Variants in NCS1 observed in about 807,000 individuals in gnomAD.
NCS1 encodes the protein neuronal calcium sensor 1, also known as frequenin homolog.
In NCS1, 6 loss-of-function variants were observed where a neutral mutation model predicts 28.4. The ratio of observed to expected loss-of-function variants is 0.21; its 90% CI spans 0.12 to 0.42. The LOEUF (loss-of-function observed/expected upper bound fraction) is 0.42. NCS1 is among the 10% of genes least tolerant of loss of function. NCS1 has a pLI of 1.00. For synonymous variants in NCS1, 86 were observed against 99.3 expected (o/e 0.87, Z 0.79); for missense variants, 131 against 241.4 (o/e 0.54, Z 3.03).
intron 1 of NCS1, among the ~76,000 whole-genome samples, chr9:130,185,379 C>T (rs1554905533): frequency 6.6e-6 from 1 of 152,260 alleles, no homozygotes; most frequent in East Asian, 1.9e-4. Flanking sequence ...CCTTCTTATC[C>T]ATCTTGGGCT....
rs1330480948 is a variant in NCS1, at chr9:130,226,203, G to A, written c.475-186G>A. On this transcript the variant is annotated intron_variant, in intron 6 of 7. Transcript: ENST00000372398. This position sits in a 1 kb window ranked among gnomAD's most constrained non-coding sequence, Gnocchi z 4.8. ...AAACATGCCCAGAGAGGTGGGCCACGGCCCAAGGCCACCCTGCCATGAGTG... is the reference window on the plus strand; with the variant it reads ...AAACATGCCCAGAGAGGTGGGCCACAGCCCAAGGCCACCCTGCCATGAGTG... 3.3e-5 allele frequency among the ~76,000 whole-genome samples: 5 copies of A among 152,190 alleles called. No individual in the cohort carries two copies. Among genetic ancestry groups the A allele is most frequent in the African/African-American group, 1.2e-4 (5 of 41,440 alleles).
rs1158414864 is a variant in NCS1 at position 130,209,187 on chromosome 9, T to C, written c.89+8205T>C. 6.6e-6 allele frequency among the ~76,000 whole-genome samples: 1 copy of C among 152,210 alleles called. No individual in the cohort carries two copies. Among genetic ancestry groups the C allele is most frequent in the Non-Finnish European group, 1.5e-5 (1 of 68,036 alleles). On this transcript the variant is annotated intron_variant, in intron 2 of 7. Coordinates refer to ENST00000372398, the MANE Select transcript of NCS1 (RefSeq NM_014286.4). The surrounding 1 kb of genome is among the most constrained non-coding windows in gnomAD (Gnocchi z 4.4). ...CCTGGCTGATTGCAGCTTGGGGTAA[T>C]GCTTTATGATTTATCCGTCTAGCAA... is the stretch of plus-strand genomic sequence containing the variant.
chr9:130,207,112 C>A (rs1218068397), intron 2 of NCS1, among the ~76,000 whole-genome samples: 2 of 152,206 alleles, frequency 1.3e-5, no homozygotes, highest in Non-Finnish European at 2.9e-5. Flanking sequence ...TGAATCTGAT[C>A]CCAGCCCCTG....
rs1832636670 is a variant in NCS1 at position 130,180,264 on chromosome 9, C to T, written c.64+7537C>T. The stretch of plus-strand genomic sequence containing the variant: ...GGCCAGGTTGGTCTCAAACTCCTAG[C>T]CTCAAGTGGTGCACCCACCTTGGCC... On this transcript the variant is annotated intron_variant, in intron 1 of 7. Coordinates refer to ENST00000372398, the MANE Select transcript of NCS1 (RefSeq NM_014286.4). The surrounding 1 kb of genome is among the most constrained non-coding windows in gnomAD (Gnocchi z 4.5). Among the ~76,000 whole-genome samples the T allele has an allele frequency of 6.6e-6, 1 of 152,092 alleles. No individual in the cohort carries two copies. The highest frequency in any genetic ancestry group is 1.5e-5 in the Non-Finnish European group (1 of 68,030).
At chr9:130,210,096 C>T (rs1349543441) in intron 2 of NCS1, among the ~76,000 whole-genome samples, 1 of 152,050 alleles carries the variant, frequency 6.6e-6, no homozygotes, top group Non-Finnish European at 1.5e-5. Context: ...TACTAGGAGA[C>T]TGGGTATTAG....
intron 4 of NCS1, 67 bp from the exon 5 acceptor site, chr9:130,222,583 G>C: frequency 7.5e-7 from 1 of 1,335,562 alleles, no homozygotes; most frequent in Non-Finnish European, 1.1e-6. Flanking sequence ...CAGAGAGGAG[G>C]GGCGAGTTGA....
At chr9:130,221,377 CATATATATATATATATATATATATAT>C (rs370084084) in intron 4 of NCS1, among the ~76,000 whole-genome samples, 1 of 84,716 alleles carries the variant, frequency 1.2e-5, no homozygotes, top group Admixed American at 1.6e-4. Flanking sequence ...TATAAAATAT[CATATATATATATATATATATATATAT>C]ATATATATAT....
At chr9:130,185,245 A>G (rs1417626982) in intron 1 of NCS1, among the ~76,000 whole-genome samples, 1 of 152,254 alleles carries the variant, frequency 6.6e-6, no homozygotes, top group Non-Finnish European at 1.5e-5. Flanking sequence ...ATCTTATTGC[A>G]TGACTGCGTC....
rs782721781 is a variant in NCS1, at chr9:130,200,450, C to CA, written c.65-507dup. 10 of 862,362 alleles carry CA rather than the reference C, an allele frequency of 1.2e-5. No homozygotes were observed. In the African/African-American group the frequency reaches 1.7e-4, roughly 15 times the overall value. The allele number at this position is 862,362 out of a possible 1,614,324, so 53.4% of individuals were successfully genotyped here. Reference sequence around the variant, plus strand: ...CCGGGCTGACCACAGAGAGGGGCTGCAGGGACAGGCTGACAGGGAGGGTGG... The same window carrying CA: ...CCGGGCTGACCACAGAGAGGGGCTGCAAGGGACAGGCTGACAGGGAGGGTGG... On this transcript the variant is annotated intron_variant, in intron 1 of 7. Transcript: ENST00000372398.
chr9:130,187,537 T>A (rs1288585334), intron 1 of NCS1, among the ~76,000 whole-genome samples: 2 of 152,152 alleles, frequency 1.3e-5, no homozygotes, highest in African/African-American at 4.8e-5. Context: ...CCTCCTGTGG[T>A]CCCTGCAGGA....
intron 6 of NCS1, among the ~76,000 whole-genome samples, chr9:130,224,506 C>T (rs555853683): frequency 7.6e-5 from 11 of 144,334 alleles, no homozygotes; most frequent in South Asian, 4.4e-4. Context: ...TGCAGTGAGC[C>T]GAGATCACAC....
At chr9:130,202,318 GCCTGCTGGGCTGTTA>G (rs1832959729) in intron 2 of NCS1, among the ~76,000 whole-genome samples, 1 of 151,946 alleles carries the variant, frequency 6.6e-6, no homozygotes, top group Non-Finnish European at 1.5e-5. Context: ...TGCTCCCTCT[GCCTGCTGGGCTGTTA>G]CCTCCTCGCC....
chr9:130,219,015 G>A lies in NCS1; in HGVS notation c.229-710G>A, dbSNP rs560631874. ...GGCTATAGGATCTTTTGTTCCTGGCGTTTTCCACTGAGCATCATGTTTTCA... is the reference window on the plus strand; with the variant it reads ...GGCTATAGGATCTTTTGTTCCTGGCATTTTCCACTGAGCATCATGTTTTCA... On this transcript the variant is annotated intron_variant, in intron 3 of 7. Transcript: ENST00000372398. This position sits in a 1 kb window ranked among gnomAD's most constrained non-coding sequence, Gnocchi z 5.7. 3.3e-5 allele frequency among the ~76,000 whole-genome samples: 5 copies of A among 152,250 alleles called. No individual in the cohort carries two copies. The highest frequency in any genetic ancestry group is 4.1e-4 in the South Asian group (2 of 4,820).
intron 1 of NCS1, among the ~76,000 whole-genome samples, chr9:130,200,143 G>A (rs1300549295): frequency 2.0e-5 from 3 of 152,142 alleles, no homozygotes; most frequent in African/African-American, 7.2e-5. Flanking sequence ...TGGATGAGGC[G>A]CCCAAGGCAG....
intron 4 of NCS1, among the ~76,000 whole-genome samples, chr9:130,222,445 G>A (rs1419523259): frequency 6.6e-6 from 1 of 151,974 alleles, no homozygotes; most frequent in East Asian, 1.9e-4. Context: ...GAGCCACCAT[G>A]CCCAGCCTTA....
In NCS1 at chr9:130,177,633, TA is replaced by T. The variant is rs146443736; in HGVS notation, c.64+4907del. Among the ~76,000 whole-genome samples, 1,471 of 152,286 alleles carry T rather than the reference TA, an allele frequency of 9.7e-3. 21 individuals are homozygous for T. The highest frequency in any genetic ancestry group is 0.034 in the African/African-American group (1,398 of 41,554). On this transcript the variant is annotated intron_variant, in intron 1 of 7. Coordinates refer to ENST00000372398, the MANE Select transcript of NCS1 (RefSeq NM_014286.4). The surrounding 1 kb of genome is among the most constrained non-coding windows in gnomAD (Gnocchi z 4.4). ...TCTGGGCAAGAAACATCACCTGTGT[TA>T]TTAGGAGAGGACTCGATCCCCTGCG... is the stretch of plus-strand genomic sequence containing the variant.
chr9:130,176,198 T>TC (rs1832568401), intron 1 of NCS1, among the ~76,000 whole-genome samples: 1 of 57,238 alleles, frequency 1.7e-5, no homozygotes, highest in South Asian at 6.8e-4. Context: ...TTCTTTCTTT[T>TC]TTTTTTTTTT....
intron 1 of NCS1, chr9:130,200,411 G>C: frequency 1.5e-6 from 1 of 647,476 alleles, no homozygotes; most frequent in Non-Finnish European, 2.7e-6. Flanking sequence ...TTCATGTCTT[G>C]CCAGTGAAAG....
At chr9:130,173,450 T>A (rs1043614649) in intron 1 of NCS1, among the ~76,000 whole-genome samples, 5 of 152,160 alleles carry the variant, frequency 3.3e-5, no homozygotes, top group African/African-American at 1.2e-4. Flanking sequence ...TCAGTGTGTC[T>A]CCCTCCACTT....
Sources: allele counts gnomAD v4.1 joint callset (sites outside exome capture counted in the v4.1 genomes callset), GRCh38; gene constraint gnomAD v4.1.1; non-coding constraint Gnocchi (gnomAD v3.1); transcripts MANE v1.5; gene names NCBI Gene and HGNC (gene_info 2026-07-23, HGNC 2026-07-21).